Variants in CNTN5 observed in about 807,000 individuals in gnomAD.
CNTN5 encodes contactin-5.
In CNTN5, 77 loss-of-function variants were observed where a neutral mutation model predicts 129.1. That is an observed-to-expected ratio of 0.60 (90% CI 0.50 to 0.72). The LOEUF (loss-of-function observed/expected upper bound fraction) is 0.72. CNTN5 is among the 30% of genes least tolerant of loss of function. CNTN5 has a pLI of 0.00. For synonymous variants in CNTN5, 509 were observed against 465.6 expected, an observed-to-expected ratio of 1.09 and a Z score of -1.20; for missense variants, 1,478 against 1,328.8, an observed-to-expected ratio of 1.11 and a Z score of -1.75.
intron 1 of CNTN5, among the ~76,000 whole-genome samples, chr11:99,184,794 C>T (rs751026950): frequency 3.3e-5 from 5 of 151,852 alleles, no homozygotes; most frequent in Non-Finnish European, 7.4e-5. Context: ...AAATAATATC[C>T]CAGCCCTATA....
At chr11:99,309,371 T>C (rs1865010299) in intron 1 of CNTN5, among the ~76,000 whole-genome samples, 1 of 152,244 alleles carries the variant, frequency 6.6e-6, no homozygotes, top group African/African-American at 2.4e-5. Flanking sequence ...TTTGTTAAGA[T>C]AGTCCTGTAT....
intron 2 of CNTN5, among the ~76,000 whole-genome samples, chr11:99,440,673 C>CTT (rs144979211): frequency 4.0e-5 from 6 of 150,140 alleles, no homozygotes; most frequent in Middle Eastern, 3.5e-3. Flanking sequence ...TCTTACATAA[C>CTT]TTTTTTTTTT....
rs140684985 is a variant in CNTN5, at chr11:99,535,604, G to A, written c.-70-20541G>A. 1.1e-4 allele frequency among the ~76,000 whole-genome samples: 16 copies of A among 152,282 alleles called. No homozygotes were observed. The East Asian group carries it at 3.1e-3, about 29-fold the overall frequency. On this transcript the variant is annotated intron_variant, in intron 2 of 24. Coordinates refer to ENST00000524871, the MANE Select transcript of CNTN5 (RefSeq NM_014361.4). ...AGAATGTCTTAAAAGCTCCTCAGGG[G>A]TTTCTAATGTACAGCGAGGCTGAAA... is the stretch of plus-strand genomic sequence containing the variant.
chr11:99,281,774 A>G (rs1863708387), intron 1 of CNTN5, among the ~76,000 whole-genome samples: 1 of 152,022 alleles, frequency 6.6e-6, no homozygotes. Flanking sequence ...TATTTTTATT[A>G]GAACTATTTT....
At chr11:99,773,365 A>T (rs912680680) in intron 3 of CNTN5, among the ~76,000 whole-genome samples, 1 of 152,140 alleles carries the variant, frequency 6.6e-6, no homozygotes, top group African/African-American at 2.4e-5. Flanking sequence ...TAGTTGCATT[A>T]CTTAAATGTA....
chr11:99,651,942 A>C (rs1952173225), intron 3 of CNTN5, among the ~76,000 whole-genome samples: 1 of 152,098 alleles, frequency 6.6e-6, no homozygotes, highest in Non-Finnish European at 1.5e-5. Flanking sequence ...TTTACTGACT[A>C]CATTAGTTTT....
chr11:99,931,614 A>C (rs1003136947), intron 7 of CNTN5, among the ~76,000 whole-genome samples: 1 of 152,244 alleles, frequency 6.6e-6, no homozygotes, highest in Non-Finnish European at 1.5e-5. Context: ...ATGGATCAAG[A>C]AAGCAAGCAA....
intron 2 of CNTN5, among the ~76,000 whole-genome samples, chr11:99,341,429 G>A (rs1866508689): frequency 1.3e-5 from 2 of 152,002 alleles, no homozygotes; most frequent in African/African-American, 4.8e-5. Context: ...AAACTTAGAG[G>A]TAGTCTGCAA....
At chr11:99,879,421 A>T (rs944669305) in intron 6 of CNTN5, among the ~76,000 whole-genome samples, 4 of 152,134 alleles carry the variant, frequency 2.6e-5, no homozygotes, top group Non-Finnish European at 5.9e-5. Flanking sequence ...ACCGGACCAG[A>T]TAGTACACAT....
At chr11:100,209,139 G>A (rs1948971991) in intron 15 of CNTN5, among the ~76,000 whole-genome samples, 1 of 152,260 alleles carries the variant, frequency 6.6e-6, no homozygotes, top group South Asian at 2.1e-4. Context: ...ATTATATAAG[G>A]ATGTGGATCC....
intron 3 of CNTN5, among the ~76,000 whole-genome samples, chr11:99,560,893 C>T (rs1468260086): frequency 6.6e-6 from 1 of 152,052 alleles, no homozygotes; most frequent in African/African-American, 2.4e-5. Context: ...GAATTTGAGA[C>T]ACACACATGT....
intron 13 of CNTN5, among the ~76,000 whole-genome samples, chr11:100,085,233 C>T (rs1051489553): frequency 6.6e-6 from 1 of 151,738 alleles, no homozygotes; most frequent in Non-Finnish European, 1.5e-5. Context: ...GGAGGAGATC[C>T]AGGATGAATT....
chr11:99,106,736 A>G (rs996956029), intron 1 of CNTN5, among the ~76,000 whole-genome samples: 8 of 152,098 alleles, frequency 5.3e-5, no homozygotes, highest in Admixed American at 4.6e-4. Flanking sequence ...AGCAACTAAT[A>G]TCAGTATTAC....
At chr11:100,090,471 T>TTC (rs146899043) in intron 13 of CNTN5, among the ~76,000 whole-genome samples, 61,187 of 109,998 alleles carry the variant, frequency 0.56, 16,661 homozygotes, top group East Asian at 0.76. Context: ...TTCTTTCTTT[T>TTC]TCTCTCTTTC....
At chr11:100,355,372 GA>G (rs1274640988) in intron 24 of CNTN5, among the ~76,000 whole-genome samples, 7 of 151,634 alleles carry the variant, frequency 4.6e-5, no homozygotes, top group Admixed American at 4.0e-4. Context: ...CATCTCTTGT[GA>G]TAATAATGCC....
intron 1 of CNTN5, among the ~76,000 whole-genome samples, chr11:99,248,404 C>T (rs561899747): frequency 6.6e-6 from 1 of 152,092 alleles, no homozygotes; most frequent in African/African-American, 2.4e-5. Context: ...TTCTCCCTTT[C>T]TGTAGGTGGC....
intron 2 of CNTN5, among the ~76,000 whole-genome samples, chr11:99,514,242 T>C (rs188774538): frequency 1.1e-3 from 170 of 152,204 alleles, no homozygotes; most frequent in Non-Finnish European, 1.9e-3. Context: ...TGATGAGAAG[T>C]TGCTTTTTAT....
chr11:99,919,845 A>G (rs1949891879), intron 7 of CNTN5, among the ~76,000 whole-genome samples: 2 of 129,494 alleles, frequency 1.5e-5, no homozygotes, highest in Non-Finnish European at 3.3e-5. Context: ...TATTTAAGAC[A>G]TGTTTTTGCC....
intron 3 of CNTN5, among the ~76,000 whole-genome samples, chr11:99,795,804 C>T (rs991828296): frequency 1.3e-5 from 2 of 152,172 alleles, no homozygotes; most frequent in African/African-American, 4.8e-5. Context: ...ACCCTGAGAG[C>T]AGTTATGAGG....
Sources: allele counts gnomAD v4.1 joint callset (sites outside exome capture counted in the v4.1 genomes callset), GRCh38; gene constraint gnomAD v4.1.1; transcripts MANE v1.5; gene names NCBI Gene and HGNC (gene_info 2026-07-23, HGNC 2026-07-21).